FAM114A1: variants seen among roughly 807,000 people sequenced by gnomAD.
FAM114A1 encodes protein NOXP20.
A neutral mutation model predicts 64.3 loss-of-function variants in FAM114A1; 62 were observed. The observed-to-expected ratio is 0.96, with a 90% confidence interval of 0.79 to 1.19. The LOEUF is 1.19. FAM114A1 is among the 50% of genes most tolerant of loss of function. The pLI is 0.00. For synonymous variants in FAM114A1, 254 were observed against 251.1 expected (o/e 1.01, Z -0.11); for missense variants, 645 against 676.3 (o/e 0.95, Z 0.51).
At chr4:38,872,938 C>CCTGT (rs1714227997) in intron 2 of FAM114A1, among the ~76,000 whole-genome samples, 1 of 152,200 alleles carries the variant, frequency 6.6e-6, no homozygotes, top group Non-Finnish European at 1.5e-5. Flanking sequence ...TTGCCAACAC[C>CCTGT]CTGTCCTAGG....
At chr4:38,886,085 G>C (rs566050852) in intron 3 of FAM114A1, among the ~76,000 whole-genome samples, 1 of 152,046 alleles carries the variant, frequency 6.6e-6, no homozygotes, top group African/African-American at 2.4e-5. Context: ...ACTTGACCTT[G>C]ATGAGAACGA....
intron 8 of FAM114A1, among the ~76,000 whole-genome samples, chr4:38,916,602 T>C (rs991816074): frequency 6.6e-6 from 1 of 152,096 alleles, no homozygotes; most frequent in Non-Finnish European, 1.5e-5. Flanking sequence ...TAAGTGAAGT[T>C]GAACAATGAG....
rs1318737066 is a variant in FAM114A1, at chr4:38,905,504, T to C, written c.437-18T>C. The C allele has an allele frequency of 1.5e-5, 24 of 1,583,802 alleles. No homozygotes were observed. The highest frequency in any genetic ancestry group is 2.1e-5 in the Non-Finnish European group (24 of 1,153,748). ...GGATTTCTAATGTATCCATGAACCATATTTTTATTTCCAACAGGTCATGGA... is the reference window on the plus strand; with the variant it reads ...GGATTTCTAATGTATCCATGAACCACATTTTTATTTCCAACAGGTCATGGA... On this transcript the variant is annotated intron_variant, in intron 4 of 14. Coordinates refer to ENST00000358869, the MANE Select transcript of FAM114A1 (RefSeq NM_138389.4).
At chr4:38,900,467 C>T (rs2109652368) in intron 4 of FAM114A1, among the ~76,000 whole-genome samples, 1 of 152,244 alleles carries the variant, frequency 6.6e-6, no homozygotes, top group Non-Finnish European at 1.5e-5. Context: ...CAGCATTATT[C>T]ACAATAGCTA....
At chr4:38,899,940 G>A (rs182319129) in intron 4 of FAM114A1, among the ~76,000 whole-genome samples, 1 of 151,876 alleles carries the variant, frequency 6.6e-6, no homozygotes, top group Non-Finnish European at 1.5e-5. Context: ...ATTTCCACAG[G>A]ACCTTATAAG....
rs1720718790 is a variant in FAM114A1 at position 38,932,322 on chromosome 4, C to A, written c.1411C>A (p.His471Asn). 1 of 1,613,280 alleles carries A rather than the reference C, an allele frequency of 6.2e-7. No individual in the cohort carries two copies. The highest frequency in any genetic ancestry group is 2.2e-5 in the East Asian group (1 of 44,874). ...TCATAAAGTAGCAGAATTAATTCTT[C>A]ATGGACAAGAAGAGGAAAAACCAGC... ...QLHKVAELIL[H>N]GQEEEKPAQD... Residue 471 changes from histidine (H) to asparagine (N), a missense_variant, in exon 12 of 15, where the codon CAT becomes AAT. Physicochemically the swap from His to Asn is moderately conservative, Grantham distance 68. Coordinates refer to ENST00000358869, the MANE Select transcript of FAM114A1 (RefSeq NM_138389.4).
intron 2 of FAM114A1, among the ~76,000 whole-genome samples, chr4:38,869,442 G>A (rs544689807): frequency 5.9e-5 from 9 of 152,320 alleles, no homozygotes; most frequent in African/African-American, 2.2e-4. Flanking sequence ...GAAAAGACTG[G>A]TGAGGCAGGA....
Position 38,879,904 on chromosome 4 carries a change from C to T in FAM114A1, c.348+1478C>T, listed in dbSNP as rs149820707. Among the ~76,000 whole-genome samples, 509 of 151,670 alleles carry T rather than the reference C, an allele frequency of 3.4e-3. 7 individuals are homozygous for T. The highest frequency in any genetic ancestry group is 0.012 in the African/African-American group (484 of 41,302). ...GGCAATGTGGCGAACCCTGTCTCTA[C>T]GAAAAATACAAAAAATTAGCCAGGC... On this transcript the variant is annotated intron_variant, in intron 3 of 14. Transcript: ENST00000358869.
intron 7 of FAM114A1, among the ~76,000 whole-genome samples, chr4:38,909,937 A>G (rs962163913): frequency 5.3e-5 from 8 of 152,180 alleles, no homozygotes; most frequent in African/African-American, 1.9e-4. Flanking sequence ...TGCTCCTTGA[A>G]AAAGAAAATA....
At chr4:38,930,226 T>C (rs1055602181) in intron 10 of FAM114A1, among the ~76,000 whole-genome samples, 6 of 152,198 alleles carry the variant, frequency 3.9e-5, no homozygotes, top group African/African-American at 1.4e-4. Flanking sequence ...CTGTGAAGTT[T>C]CTTTAGAGGC....
intron 6 of FAM114A1, among the ~76,000 whole-genome samples, chr4:38,907,212 G>A (rs1718093577): frequency 6.6e-6 from 1 of 152,188 alleles, no homozygotes; most frequent in Non-Finnish European, 1.5e-5. Flanking sequence ...TGTCTTAGGA[G>A]TCAAGTAGCA....
intron 4 of FAM114A1, among the ~76,000 whole-genome samples, chr4:38,896,103 CTT>C (rs1174486966): frequency 6.6e-6 from 1 of 152,078 alleles, no homozygotes; most frequent in Non-Finnish European, 1.5e-5. Flanking sequence ...GCATTTTTCT[CTT>C]GTTTGCATAC....
At chr4:38,915,255 A>G (rs1204298277) in intron 8 of FAM114A1, among the ~76,000 whole-genome samples, 182 bp downstream of exon 8, 1 of 152,046 alleles carries the variant, frequency 6.6e-6, no homozygotes, top group African/African-American at 2.4e-5. Context: ...TCTCTGTCCT[A>G]TGCTAAGCTA....
chr4:38,916,110 A>G (rs1249573678), intron 8 of FAM114A1, among the ~76,000 whole-genome samples: 2 of 152,212 alleles, frequency 1.3e-5, no homozygotes, highest in South Asian at 2.1e-4. Context: ...GCCATTCTTG[A>G]TGCCTGTCTA....
At chr4:38,916,872 C>T (rs959694684) in intron 8 of FAM114A1, among the ~76,000 whole-genome samples, 2 of 152,232 alleles carry the variant, frequency 1.3e-5, no homozygotes, top group East Asian at 3.9e-4. Context: ...GGAGGTTGTC[C>T]TCCCACTGCA....
chr4:38,932,240 A>G lies in FAM114A1; in HGVS notation c.1329A>G (p.Val443=). ...EEKKTKTIEE[V]YMSSIESLAE... Reference sequence around the variant, plus strand: ...CTTGTGTCTATTCATTTCAGGAAGTATACATGTCGTCCATTGAAAGTCTGG... The same window carrying G: ...CTTGTGTCTATTCATTTCAGGAAGTGTACATGTCGTCCATTGAAAGTCTGG... Residue 443 remains valine (V), a synonymous_variant, in exon 12 of 15, where the codon GTA becomes GTG. Transcript: ENST00000358869. 6.3e-7 allele frequency: 1 copy of G among 1,599,420 alleles called. No homozygotes were observed. Among genetic ancestry groups the G allele is most frequent in the South Asian group, 1.1e-5 (1 of 87,698 alleles).
At chr4:38,877,171 T>C (rs1393949433) in intron 2 of FAM114A1, among the ~76,000 whole-genome samples, 1 of 152,220 alleles carries the variant, frequency 6.6e-6, no homozygotes, top group African/African-American at 2.4e-5. Flanking sequence ...AAGACAATTT[T>C]CCCACAGATC....
intron 9 of FAM114A1, among the ~76,000 whole-genome samples, chr4:38,928,494 T>TTA (rs1442055662): frequency 2.6e-5 from 4 of 152,120 alleles, no homozygotes; most frequent in Non-Finnish European, 5.9e-5. Context: ...ATACTGTCTG[T>TTA]TATATATATT....
chr4:38,940,552 A>T (rs1721505237), intron 13 of FAM114A1, among the ~76,000 whole-genome samples: 1 of 152,214 alleles, frequency 6.6e-6, no homozygotes, highest in Admixed American at 6.5e-5. Context: ...TATTATGATC[A>T]TCAAAATATC....
Sources: gnomAD v4.1 joint callset for allele counts (sites outside exome capture counted in the v4.1 genomes callset) on GRCh38, gnomAD v4.1.1 for gene constraint, MANE v1.5 for transcripts, NCBI Gene and HGNC (gene_info 2026-07-23, HGNC 2026-07-21) for gene names.